Variants in LPP observed in about 807,000 individuals in gnomAD.
LPP encodes LIM domain containing preferred translocation partner in lipoma, also known as lipoma-preferred partner.
In LPP, 38 loss-of-function variants were observed where a neutral mutation model predicts 60.4. The ratio of observed to expected loss-of-function variants is 0.63; its 90% CI spans 0.49 to 0.83. LPP has a LOEUF of 0.83. LPP is among the 40% of genes least tolerant of loss of function. The pLI is 0.00. For missense variants in LPP, 902 were observed against 783.6 expected, an observed-to-expected ratio of 1.15 and a Z score of -1.80; for synonymous variants, 328 against 290.8, an observed-to-expected ratio of 1.13 and a Z score of -1.30.
chr3:188,324,208 A>G (rs1026855954), intron 2 of LPP, among the ~76,000 whole-genome samples: 1 of 152,204 alleles, frequency 6.6e-6, no homozygotes, highest in Non-Finnish European at 1.5e-5. Context: ...CTTAGAGGCA[A>G]TTCCACCAGC....
intron 2 of LPP, chr3:188,239,965 T>C (rs1384244988): frequency 5.0e-6 from 1 of 198,844 alleles, no homozygotes; most frequent in Admixed American, 6.1e-5. Context: ...AACACCTCAC[T>C]TTACAGTCAG....
chr3:188,693,668 G>T (rs1862588853), intron 7 of LPP, among the ~76,000 whole-genome samples: 1 of 152,142 alleles, frequency 6.6e-6, no homozygotes, highest in Non-Finnish European at 1.5e-5. Context: ...TTCTCTGTGG[G>T]CCACATCTGT....
chr3:188,611,238 CGATA>C (rs1843658784), intron 7 of LPP, among the ~76,000 whole-genome samples: 5 of 151,142 alleles, frequency 3.3e-5, no homozygotes. Flanking sequence ...GATCCCTTTC[CGATA>C]GATAGATTCC....
At chr3:188,412,396 G>A (rs1199273874) in intron 4 of LPP, among the ~76,000 whole-genome samples, 1 of 152,042 alleles carries the variant, frequency 6.6e-6, no homozygotes, top group Non-Finnish European at 1.5e-5. Context: ...TTTTATATTG[G>A]TATACTCTTT....
chr3:188,430,560 C>G (rs1790639234), intron 4 of LPP, among the ~76,000 whole-genome samples: 1 of 152,268 alleles, frequency 6.6e-6, no homozygotes, highest in South Asian at 2.1e-4. Flanking sequence ...GCAATCATTG[C>G]ACTCTTTTAC....
intron 4 of LPP, among the ~76,000 whole-genome samples, chr3:188,418,196 A>G (rs1322679328): frequency 7.9e-5 from 12 of 152,176 alleles, no homozygotes. Flanking sequence ...TTAGGCTAAT[A>G]AATGTAGAAG....
intron 3 of LPP, among the ~76,000 whole-genome samples, chr3:188,366,928 G>A (rs974116079): frequency 4.0e-5 from 6 of 150,320 alleles, no homozygotes; most frequent in Non-Finnish European, 4.4e-5. Context: ...ACAGAGTCTC[G>A]CTCTGTCGCC....
At chr3:188,533,558 A>G (rs550568111) in intron 6 of LPP, among the ~76,000 whole-genome samples, 35 of 152,230 alleles carry the variant, frequency 2.3e-4, no homozygotes, top group Non-Finnish European at 4.7e-4. Flanking sequence ...ATGTATTGGC[A>G]TTGTCTGCTT....
chr3:188,297,360 C>T (rs1485883092), intron 2 of LPP, among the ~76,000 whole-genome samples: 3 of 152,014 alleles, frequency 2.0e-5, no homozygotes, highest in African/African-American at 4.8e-5. Context: ...TAGAGAATGT[C>T]GTAGGGTAAA....
chr3:188,853,529 T>C lies in LPP; in HGVS notation c.1411-12671T>C, dbSNP rs528200910. Among the ~76,000 whole-genome samples, 4 of 152,262 alleles carry C rather than the reference T, an allele frequency of 2.6e-5. No individual in the cohort carries two copies. In the East Asian group the frequency reaches 7.7e-4, roughly 29 times the overall value. On this transcript the variant is annotated intron_variant, in intron 9 of 11. Transcript: ENST00000617246. ...ATGAAAGAACAATGAGCACAAAGTGTTTAAAAGCTTGGGTTGACAGGAACA... is the reference window on the plus strand; with the variant it reads ...ATGAAAGAACAATGAGCACAAAGTGCTTAAAAGCTTGGGTTGACAGGAACA...
intron 3 of LPP, among the ~76,000 whole-genome samples, chr3:188,366,254 T>C (rs1771130084): frequency 6.6e-6 from 1 of 152,216 alleles, no homozygotes; most frequent in African/African-American, 2.4e-5. Context: ...CACGTGGTAA[T>C]ACACCGCATT....
chr3:188,374,319 A>G (rs1774270826), intron 3 of LPP, among the ~76,000 whole-genome samples: 4 of 152,180 alleles, frequency 2.6e-5, no homozygotes, highest in Admixed American at 2.6e-4. Context: ...TTTTCATGAT[A>G]TTGATTCTTC....
chr3:188,481,464 T>C (rs1166006299), intron 4 of LPP, among the ~76,000 whole-genome samples: 1 of 152,244 alleles, frequency 6.6e-6, no homozygotes, highest in Non-Finnish European at 1.5e-5. Flanking sequence ...TCAAGTTGTT[T>C]CTTAAAAAAA....
At chr3:188,408,278 C>T (rs764517340) in intron 4 of LPP, among the ~76,000 whole-genome samples, 2 of 152,010 alleles carry the variant, frequency 1.3e-5, no homozygotes, top group Non-Finnish European at 2.9e-5. Flanking sequence ...TAGGCCTGAG[C>T]GTTATGGTGA....
chr3:188,843,784 C>T (rs1050964054), intron 9 of LPP, among the ~76,000 whole-genome samples: 3 of 31,874 alleles, frequency 9.4e-5, no homozygotes, highest in South Asian at 2.5e-3. Flanking sequence ...AAGACTCCGT[C>T]TCAAAAAAAA....
intron 3 of LPP, among the ~76,000 whole-genome samples, chr3:188,372,072 G>C (rs1380124211): frequency 2.0e-5 from 3 of 151,774 alleles, no homozygotes; most frequent in African/African-American, 7.3e-5. Flanking sequence ...GTTGATGTAG[G>C]CATGGGAGAG....
chr3:188,377,701 C>T (rs1775571085), intron 3 of LPP, among the ~76,000 whole-genome samples: 2 of 152,190 alleles, frequency 1.3e-5, no homozygotes, highest in Non-Finnish European at 2.9e-5. Context: ...CTTCTTCTCT[C>T]AACTTGTCAA....
At chr3:188,563,963 A>C (rs1289940455) in intron 6 of LPP, among the ~76,000 whole-genome samples, 4 of 152,032 alleles carry the variant, frequency 2.6e-5, no homozygotes, top group Admixed American at 2.0e-4. Flanking sequence ...TCACCATGGA[A>C]GAAGAGTAGG....
chr3:188,699,494 G>A (rs565983904), intron 7 of LPP, among the ~76,000 whole-genome samples: 17 of 152,190 alleles, frequency 1.1e-4, no homozygotes, highest in Non-Finnish European at 1.6e-4. Flanking sequence ...GGGAATATGA[G>A]GAAGTAGAGA....
Sources: allele counts gnomAD v4.1 joint callset (sites outside exome capture counted in the v4.1 genomes callset), GRCh38; gene constraint gnomAD v4.1.1; transcripts MANE v1.5; gene names NCBI Gene and HGNC (gene_info 2026-07-23, HGNC 2026-07-21).